Variants in THUMPD2 observed in about 807,000 individuals in gnomAD.
THUMPD2 encodes U6 snRNA (guanine-N(2))-methyltransferase THUMPD2.
In THUMPD2, 56 loss-of-function variants were observed where a neutral mutation model predicts 49.4. That is an observed-to-expected ratio of 1.13 (90% CI 0.91 to 1.41). THUMPD2 has a LOEUF of 1.41. Among genes scored for constraint, THUMPD2 ranks in the 40% most tolerant of loss-of-function variants. The pLI, the probability that THUMPD2 is intolerant of heterozygous loss-of-function variation, is 0.00. For synonymous variants in THUMPD2, 237 were observed against 205.2 expected, an observed-to-expected ratio of 1.15 and a Z score of -1.32; for missense variants, 709 against 594.5, an observed-to-expected ratio of 1.19 and a Z score of -2.00.
intron 3 of THUMPD2, chr2:39,768,702 G>T: frequency 1.5e-6 from 1 of 670,340 alleles, no homozygotes; most frequent in South Asian, 2.0e-5. Flanking sequence ...CTAGCCCCCA[G>T]TACACCCCAT....
chr2:39,763,170 C>T (rs1677052958), intron 5 of THUMPD2, among the ~76,000 whole-genome samples: 2 of 151,826 alleles, frequency 1.3e-5, no homozygotes, highest in South Asian at 4.2e-4. Context: ...TGCATGTGTG[C>T]ATTTTTTTTT....
At chr2:39,755,442 A>G in intron 7 of THUMPD2, 33 bp from the exon 8 acceptor site, 1 of 1,353,464 alleles carries the variant, frequency 7.4e-7, no homozygotes, top group Non-Finnish European at 1.0e-6. Context: ...AGCATAAATA[A>G]AATTATTACA....
chr2:39,761,334 A>C lies in THUMPD2; in HGVS notation c.888T>G (p.Ile296Met). The C allele has an allele frequency of 2.5e-6, 4 of 1,613,706 alleles. No individual in the cohort carries two copies. The highest frequency in any genetic ancestry group is 3.4e-6 in the Non-Finnish European group (4 of 1,179,676). ...IAWAMASLAD[I>M]KAGAFVLDPM... ...GGAAGGAAAACATTTTTCTTACCTTAATGTCAGCCAGAGATGCCATTGCCC... is the reference window on the plus strand; with the variant it reads ...GGAAGGAAAACATTTTTCTTACCTTCATGTCAGCCAGAGATGCCATTGCCC... Residue 296 changes from isoleucine to methionine, a missense_variant, in exon 6 of 10, where the codon ATT becomes ATG. Coordinates refer to ENST00000505747, the MANE Select transcript of THUMPD2 (RefSeq NM_025264.5).
chr2:39,769,011 T>C, intron 3 of THUMPD2: 1 of 1,304,702 alleles, frequency 7.7e-7, no homozygotes, highest in Non-Finnish European at 1.0e-6. Context: ...GGCAACAGTT[T>C]GTGGTGTTCG....
intron 2 of THUMPD2, among the ~76,000 whole-genome samples, chr2:39,771,121 C>G (rs866098673): frequency 1.3e-5 from 2 of 151,978 alleles, no homozygotes; most frequent in East Asian, 1.9e-4. Flanking sequence ...TTATATCACA[C>G]AGTTAAAATT....
At chr2:39,777,540 C>T (rs1679284076) in intron 1 of THUMPD2, among the ~76,000 whole-genome samples, 1 of 152,174 alleles carries the variant, frequency 6.6e-6, no homozygotes, top group Non-Finnish European at 1.5e-5. Flanking sequence ...ATAACATGCA[C>T]ATAACTTGTC....
At chr2:39,759,999 T>C (rs62137329) in intron 6 of THUMPD2, among the ~76,000 whole-genome samples, 2,265 of 152,276 alleles carry the variant, frequency 0.015, 18 homozygotes, top group East Asian at 0.024. Flanking sequence ...GCAATAAACC[T>C]TGTAATGTAT....
intron 6 of THUMPD2, 125 bp downstream of exon 6, chr2:39,761,203 AAAG>A (rs1676777906): frequency 1.3e-6 from 1 of 767,364 alleles, no homozygotes; most frequent in African/African-American, 1.7e-5. Context: ...GGCAAAAAGA[AAAG>A]AAGTTAAAGA....
intron 8 of THUMPD2, among the ~76,000 whole-genome samples, chr2:39,745,638 C>A (rs1240648709): frequency 6.6e-6 from 1 of 152,208 alleles, no homozygotes; most frequent in Non-Finnish European, 1.5e-5. Flanking sequence ...TCACACTACA[C>A]ACACAGTACC....
chr2:39,746,637 A>C (rs569046656), intron 8 of THUMPD2, among the ~76,000 whole-genome samples: 1 of 149,412 alleles, frequency 6.7e-6, no homozygotes, highest in East Asian at 1.9e-4. Flanking sequence ...CAAGAACATG[A>C]AAAAAAAATT....
chr2:39,748,593 C>T (rs556319345), intron 8 of THUMPD2, among the ~76,000 whole-genome samples: 1 of 152,052 alleles, frequency 6.6e-6, no homozygotes, highest in Admixed American at 6.5e-5. Flanking sequence ...GAGGCTGAAG[C>T]GGGAGAATTG....
At chr2:39,775,324 T>C (rs576888162) in intron 1 of THUMPD2, among the ~76,000 whole-genome samples, 2 of 152,226 alleles carry the variant, frequency 1.3e-5, no homozygotes, top group African/African-American at 2.4e-5. Context: ...CATCATGATA[T>C]AGGGAGGTAC....
chr2:39,779,088 C>A, intron 1 of THUMPD2, 26 bp downstream of exon 1: 1 of 1,494,774 alleles, frequency 6.7e-7, no homozygotes, highest in Admixed American at 2.2e-5. Flanking sequence ...GCCCACCTCC[C>A]CAGGCGCGCA....
intron 6 of THUMPD2, among the ~76,000 whole-genome samples, chr2:39,756,525 A>C (rs1676150064): frequency 6.6e-6 from 1 of 152,100 alleles, no homozygotes; most frequent in African/African-American, 2.4e-5. Flanking sequence ...AACTTTTTAA[A>C]ATACAAGCTG....
intron 8 of THUMPD2, among the ~76,000 whole-genome samples, chr2:39,745,125 T>A (rs1424595106): frequency 6.6e-6 from 1 of 152,156 alleles, no homozygotes; most frequent in Non-Finnish European, 1.5e-5. Context: ...CTTCTAGATG[T>A]ACTTTCCACT....
chr2:39,758,394 G>A (rs1016725182), intron 6 of THUMPD2, among the ~76,000 whole-genome samples: 1 of 152,150 alleles, frequency 6.6e-6, no homozygotes, highest in African/African-American at 2.4e-5. Context: ...GCCAAGTGAT[G>A]CTCAGACCTA....
At chr2:39,743,614 C>A (rs1053280935) in intron 9 of THUMPD2, among the ~76,000 whole-genome samples, 1 of 152,068 alleles carries the variant, frequency 6.6e-6, no homozygotes, top group African/African-American at 2.4e-5. Context: ...TCTATTAGTT[C>A]CAGGGAAAGC....
intron 9 of THUMPD2, among the ~76,000 whole-genome samples, chr2:39,741,205 T>C (rs1208530751): frequency 6.6e-6 from 1 of 152,210 alleles, no homozygotes; most frequent in Non-Finnish European, 1.5e-5. Context: ...CCCTTTCGTA[T>C]GTGAACCTGA....
chr2:39,755,089 A>G (rs918386985), intron 8 of THUMPD2, among the ~76,000 whole-genome samples: 16 of 152,018 alleles, frequency 1.1e-4, no homozygotes, highest in Non-Finnish European at 2.4e-4. Flanking sequence ...TTACATGCTT[A>G]CGAAAACTAT....
Sources: allele counts gnomAD v4.1 joint callset (sites outside exome capture counted in the v4.1 genomes callset), GRCh38; gene constraint gnomAD v4.1.1; transcripts MANE v1.5; gene names NCBI Gene and HGNC (gene_info 2026-07-23, HGNC 2026-07-21).